Variants in PITPNM3 observed in about 807,000 individuals in gnomAD.
PITPNM3 encodes PITPNM family member 3.
Under a neutral mutation model 102.0 loss-of-function variants are expected in PITPNM3, and 26 were observed. The observed-to-expected ratio is 0.25, with a 90% CI of 0.19 to 0.35. PITPNM3 has a LOEUF of 0.35. Among genes scored for constraint, PITPNM3 ranks in the 10% least tolerant of loss-of-function variants. The pLI is 1.00. For synonymous variants in PITPNM3, 578 were observed against 558.6 expected, an observed-to-expected ratio of 1.03 and a Z score of -0.49; for missense variants, 1,083 against 1,346.1, an observed-to-expected ratio of 0.80 and a Z score of 3.06.
At chr17:6,462,471 C>G (rs2280112) in intron 17 of PITPNM3, among the ~76,000 whole-genome samples, 96,705 of 152,008 alleles carry the variant, frequency 0.64, 32,066 homozygotes, top group African/African-American at 0.84. Context: ...CACTCCCCTA[C>G]ACAGCCCCTA....
intron 1 of PITPNM3, among the ~76,000 whole-genome samples, chr17:6,543,335 CAT>C (rs1909827927): frequency 1.3e-5 from 2 of 152,324 alleles, no homozygotes; most frequent in East Asian, 3.9e-4. Context: ...CACTCAGGGA[CAT>C]AGGACTAGGT....
rs1383169913 is a variant in PITPNM3 at position 6,469,611 on chromosome 17, C to G, written c.1773+649G>C. Among the ~76,000 whole-genome samples, 2 of 152,218 alleles carry G rather than the reference C, an allele frequency of 1.3e-5. No individual in the cohort carries two copies. The highest frequency in any genetic ancestry group is 2.4e-5 in the African/African-American group (1 of 41,466). ...CAAATCTTGCCACTCTGTGGCACCT[C>G]CACCCCCTGTCCTACTCCAAGCCTC... On this transcript the variant is annotated intron_variant, in intron 13 of 19. Transcript: ENST00000262483. The surrounding 1 kb of genome is among the most constrained non-coding windows in gnomAD (Gnocchi z 4.0).
At position 6,461,388 on chromosome 17, in the gene PITPNM3, G is replaced by A. The variant is rs775172733; in HGVS notation, c.2475C>T (p.Arg825=). The A allele has an allele frequency of 3.7e-5, 60 of 1,613,984 alleles. No homozygotes were observed. The highest frequency in any genetic ancestry group is 4.2e-6 in the Non-Finnish European group (5 of 1,180,034). The change falls in exon 18 of 20, where the codon CGC becomes CGT. Residue 825 remains arginine (R), a synonymous_variant. Transcript: ENST00000262483. ...GGCCACTCACCTCCTGCATGAGGTT[G>A]CGCAGGAAGATGGCCTTCTGCCGCA... The part of the protein sequence containing the change: ...DPLRQKAIFL[R]NLMQECFIKI...
intron 3 of PITPNM3, among the ~76,000 whole-genome samples, chr17:6,503,878 C>A (rs140061780): frequency 7.9e-5 from 12 of 152,228 alleles, no homozygotes; most frequent in African/African-American, 2.4e-4. Context: ...CAGCGGCTTC[C>A]CAGGAGCTGC....
chr17:6,532,919 G>A (rs1036096244), intron 2 of PITPNM3, among the ~76,000 whole-genome samples: 17 of 152,030 alleles, frequency 1.1e-4, no homozygotes, highest in African/African-American at 3.6e-4. Context: ...ATACATTCCC[G>A]CCAGCCGAGT....
At chr17:6,525,641 T>C (rs911372893) in intron 2 of PITPNM3, among the ~76,000 whole-genome samples, 178 bp from the exon 3 acceptor site, 2 of 152,156 alleles carry the variant, frequency 1.3e-5, no homozygotes, top group South Asian at 2.1e-4. Context: ...AGATTTATCA[T>C]TGAAAGAAGG....
At chr17:6,476,093 A>G (rs1905287306) in intron 9 of PITPNM3, among the ~76,000 whole-genome samples, 1 of 152,250 alleles carries the variant, frequency 6.6e-6, no homozygotes, top group Non-Finnish European at 1.5e-5. Context: ...ATTCGACATT[A>G]TATTGCCATT....
Position 6,459,446 on chromosome 17 carries a change from G to A in PITPNM3, c.2491-1724C>T, listed in dbSNP as rs895596131. 6.6e-6 allele frequency among the ~76,000 whole-genome samples: 1 copy of A among 151,478 alleles called. No homozygotes were observed. On this transcript the variant is annotated intron_variant, in intron 18 of 19. Coordinates refer to ENST00000262483, the MANE Select transcript of PITPNM3 (RefSeq NM_031220.4). This position sits in a 1 kb window ranked among gnomAD's most constrained non-coding sequence, Gnocchi z 5.0. ...GTGGCCCAGCACAGCCTCTTCTAAC[G>A]CCTCATCTCCCGTCTCATGGCTCCA...
chr17:6,506,103 A>G (rs1907491714), intron 3 of PITPNM3, among the ~76,000 whole-genome samples: 1 of 152,104 alleles, frequency 6.6e-6, no homozygotes. Flanking sequence ...TAAGAAAACC[A>G]AGGCCTGAAG....
rs1167578878 is a variant in PITPNM3 at position 6,458,282 on chromosome 17, C to T, written c.2491-560G>A. 6.6e-6 allele frequency among the ~76,000 whole-genome samples: 1 copy of T among 152,084 alleles called. No homozygotes were observed. Among genetic ancestry groups the T allele is most frequent in the Non-Finnish European group, 1.5e-5 (1 of 68,008 alleles). Reference sequence around the variant, plus strand: ...CTTCCCTCCCCTCCCCAGGATAAACCCGATCAAACTACCTCCTCCTGTGAG... The same window carrying T: ...CTTCCCTCCCCTCCCCAGGATAAACTCGATCAAACTACCTCCTCCTGTGAG... On this transcript the variant is annotated intron_variant, in intron 18 of 19. Transcript: ENST00000262483. This position sits in a 1 kb window ranked among gnomAD's most constrained non-coding sequence, Gnocchi z 5.1.
intron 6 of PITPNM3, among the ~76,000 whole-genome samples, chr17:6,482,665 G>A (rs112114568): frequency 4.6e-5 from 7 of 152,146 alleles, no homozygotes; most frequent in East Asian, 1.9e-4. Flanking sequence ...CTCTCACCCC[G>A]TGGGATCTGA....
chr17:6,542,124 G>A (rs148048557), intron 1 of PITPNM3, among the ~76,000 whole-genome samples: 2,734 of 152,312 alleles, frequency 0.018, 74 homozygotes, highest in African/African-American at 0.062. Context: ...CTGGCCAGCT[G>A]GGCAAGGGGC....
rs1173968777 is a variant in PITPNM3, at chr17:6,455,621, G to A, written c.2642C>T (p.Ala881Val). The change falls in exon 20 of 20, where the codon GCA becomes GTA. Residue 881 changes from alanine to valine, a missense_variant. Ala to Val is a moderately conservative substitution (Grantham distance 64). Coordinates refer to ENST00000262483, the MANE Select transcript of PITPNM3 (RefSeq NM_031220.4). ...QCQFLSEGYA[A>V]HLAALEASHR... ...GCTGGCCTCCAGCGCGGCCAGGTGT[G>A]CGGCGTAGCCCTCGCTCAGGAACTG... 1 of 1,573,780 alleles carries A rather than the reference G, an allele frequency of 6.4e-7. No individual in the cohort carries two copies. Among genetic ancestry groups the A allele is most frequent in the Admixed American group, 1.8e-5 (1 of 57,108 alleles).
chr17:6,487,021 G>C (rs1906135996), intron 4 of PITPNM3, among the ~76,000 whole-genome samples: 1 of 152,162 alleles, frequency 6.6e-6, no homozygotes, highest in Non-Finnish European at 1.5e-5. Flanking sequence ...GTACCAGGAG[G>C]GAGAGGGTCT....
At chr17:6,518,359 C>T (rs1908303990) in intron 3 of PITPNM3, among the ~76,000 whole-genome samples, 1 of 150,706 alleles carries the variant, frequency 6.6e-6, no homozygotes, top group African/African-American at 2.5e-5. Context: ...TGAGGTTATA[C>T]AAGTTTGGGG....
chr17:6,457,540 C>G lies in PITPNM3; in HGVS notation c.2619+54G>C. On this transcript the variant is annotated intron_variant, in intron 19 of 19. Transcript: ENST00000262483. The surrounding 1 kb of genome is among the most constrained non-coding windows in gnomAD (Gnocchi z 4.7). ...TGAATGAAGTGCTTACTCCCTCTATCCCTTTCCCTGACCTCCCTCACAACT... is the reference window on the plus strand; with the variant it reads ...TGAATGAAGTGCTTACTCCCTCTATGCCTTTCCCTGACCTCCCTCACAACT... The G allele has an allele frequency of 6.2e-7, 1 of 1,611,380 alleles. No homozygotes were observed. Among genetic ancestry groups the G allele is most frequent in the East Asian group, 2.2e-5 (1 of 44,870 alleles).
At chr17:6,522,283 T>TGC (rs201711881) in intron 3 of PITPNM3, among the ~76,000 whole-genome samples, 86 of 81,466 alleles carry the variant, frequency 1.1e-3, no homozygotes, top group African/African-American at 4.1e-3. Context: ...ATATTTAGTG[T>TGC]GCGCACACAC....
intron 2 of PITPNM3, among the ~76,000 whole-genome samples, chr17:6,528,738 C>A (rs1355078433): frequency 1.3e-5 from 2 of 152,160 alleles, no homozygotes; most frequent in Admixed American, 1.3e-4. Flanking sequence ...TGCTTTCTCT[C>A]CCACACTCAG....
chr17:6,484,625 C>T (rs542432033), intron 4 of PITPNM3, among the ~76,000 whole-genome samples: 1 of 152,376 alleles, frequency 6.6e-6, no homozygotes. Flanking sequence ...AGGACTTCCA[C>T]TTCCAGTTAT....
Sources: allele counts gnomAD v4.1 joint callset (sites outside exome capture counted in the v4.1 genomes callset), GRCh38; gene constraint gnomAD v4.1.1; non-coding constraint Gnocchi (gnomAD v3.1); transcripts MANE v1.5; gene names NCBI Gene and HGNC (gene_info 2026-07-23, HGNC 2026-07-21).